ECD: variants seen among roughly 807,000 people sequenced by gnomAD.
ECD encodes the protein ecdysoneless cell cycle regulator.
A neutral mutation model predicts 77.2 loss-of-function variants in ECD; 59 were observed. The observed-to-expected ratio is 0.76, with a 90% confidence interval of 0.62 to 0.95. The LOEUF (loss-of-function observed/expected upper bound fraction) is 0.95, where lower values mean the gene tolerates loss of function less well. Among genes scored for constraint, ECD ranks in the 40% least tolerant of loss-of-function variants. The pLI is 0.00. For synonymous variants in ECD, 233 were observed against 267.4 expected, an observed-to-expected ratio of 0.87 and a Z score of 1.26; for missense variants, 704 against 763.4, an observed-to-expected ratio of 0.92 and a Z score of 0.92.
Position 73,156,325 on chromosome 10 carries a change from T to G in ECD, c.540A>C (p.Lys180Asn). 6.2e-7 allele frequency: 1 copy of G among 1,612,274 alleles called. No homozygotes were observed. Among genetic ancestry groups the G allele is most frequent in the South Asian group, 1.1e-5 (1 of 90,436 alleles). Reference sequence around the variant, plus strand: ...CTCGTATAGATTCTGAAGCAAGTATTTTTTCTGAATGTGCTGTGATTATAT... The same window carrying G: ...CTCGTATAGATTCTGAAGCAAGTATGTTTTCTGAATGTGCTGTGATTATAT... ...ALNIITAHSEKILASESIRAA... is the reference protein window; with the variant it reads ...ALNIITAHSENILASESIRAA... The change falls in exon 5 of 14, where the codon AAA becomes AAC. Residue 180 changes from lysine (K) to asparagine (N), a missense_variant. Physicochemically the swap from Lys to Asn is moderately conservative, Grantham distance 94 (BLOSUM62 0). This residue lies in a region of ECD where 559 missense variants were observed against 583.7 expected (regional missense o/e 0.96). Coordinates refer to ENST00000372979, the MANE Select transcript of ECD (RefSeq NM_007265.3).
At chr10:73,151,463 G>A (rs186313361) in intron 7 of ECD, among the ~76,000 whole-genome samples, 56 of 151,686 alleles carry the variant, frequency 3.7e-4, no homozygotes, top group African/African-American at 1.0e-3. Flanking sequence ...CCAACATGGC[G>A]CGTGTATACG....
At chr10:73,160,901 G>A (rs1385757893) in intron 2 of ECD, among the ~76,000 whole-genome samples, 1 of 152,208 alleles carries the variant, frequency 6.6e-6, no homozygotes, top group African/African-American at 2.4e-5. Context: ...ATGATGTATA[G>A]AGTATGTATG....
intron 9 of ECD, 97 bp from the exon 10 acceptor site, chr10:73,139,834 T>G: frequency 1.3e-6 from 1 of 779,346 alleles, no homozygotes; most frequent in Non-Finnish European, 1.9e-6. Flanking sequence ...GATTAGCTAG[T>G]CTAATTTGGG....
intron 6 of ECD, among the ~76,000 whole-genome samples, chr10:73,153,234 C>T (rs748760774): frequency 6.6e-6 from 1 of 151,858 alleles, no homozygotes; most frequent in Non-Finnish European, 1.5e-5. Context: ...GCGGGGATTA[C>T]AGGCGCCCAC....
intron 9 of ECD, among the ~76,000 whole-genome samples, chr10:73,142,632 CA>C (rs35853120): frequency 0.067 from 4,943 of 73,888 alleles, 81 homozygotes; most frequent in African/African-American, 0.1. Context: ...GACTCCATCT[CA>C]AAAAAAAAAA....
At chr10:73,166,599 A>G (rs542697941) in intron 1 of ECD, among the ~76,000 whole-genome samples, 12 of 152,280 alleles carry the variant, frequency 7.9e-5, no homozygotes, top group African/African-American at 2.6e-4. Flanking sequence ...CCTGTTTGCC[A>G]TTTTTATGTC....
chr10:73,154,370 C>T lies in ECD; in HGVS notation c.669G>A (p.Gln223=). 1 of 1,614,102 alleles carries T rather than the reference C, an allele frequency of 6.2e-7. No individual in the cohort carries two copies. Among genetic ancestry groups the T allele is most frequent in the African/African-American group, 1.3e-5 (1 of 75,028 alleles). Residue 223 remains glutamine (Q), a synonymous_variant, in exon 6 of 14, where the codon CAG becomes CAA. Transcript: ENST00000372979. ...CTGCTGCAGCCACCAATCTGGGGCGCTGCTTTAGCACTGCCACAATGCCAG... is the reference window on the plus strand; with the variant it reads ...CTGCTGCAGCCACCAATCTGGGGCGTTGCTTTAGCACTGCCACAATGCCAG... ...LPAGIVAVLK[Q]RPRLVAAAVQ...
At chr10:73,152,203 G>T in intron 7 of ECD, 90 bp downstream of exon 7, 1 of 1,449,668 alleles carries the variant, frequency 6.9e-7, no homozygotes, top group Non-Finnish European at 9.4e-7. Context: ...TAAACAGGGT[G>T]TATTTCTGGA....
chr10:73,148,331 G>T lies in ECD; in HGVS notation c.986C>A (p.Ala329Asp), dbSNP rs139937454. 9 of 1,613,792 alleles carry T rather than the reference G, an allele frequency of 5.6e-6. No individual in the cohort carries two copies. The highest frequency in any genetic ancestry group is 7.6e-6 in the Non-Finnish European group (9 of 1,179,888). Residue 329 changes from alanine to aspartate, a missense_variant, in exon 8 of 14, where the codon GCC (alanine) becomes GAC (aspartate). By Grantham distance (126) the Ala-to-Asp change is moderately radical. This residue lies in a region of ECD where 559 missense variants were observed against 583.7 expected (regional missense o/e 0.96). Transcript: ENST00000372979. Reference sequence around the variant, plus strand: ...AAGGAAACTGGCCCAGAGTGGTGAGGCAGTCACAAGGGATTTCTTGCAGTC... The same window carrying T: ...AAGGAAACTGGCCCAGAGTGGTGAGTCAGTCACAAGGGATTTCTTGCAGTC... ...FSDCKKSLVT[A>D]SPLWASFLES...
chr10:73,164,177 A>C (rs1684568488), intron 1 of ECD, among the ~76,000 whole-genome samples: 2 of 151,770 alleles, frequency 1.3e-5, no homozygotes, highest in South Asian at 4.2e-4. Context: ...CTCTACTAAA[A>C]ATACAAAATA....
intron 1 of ECD, among the ~76,000 whole-genome samples, chr10:73,166,494 A>G (rs1458595779): frequency 6.6e-6 from 1 of 152,192 alleles, no homozygotes; most frequent in Non-Finnish European, 1.5e-5. Flanking sequence ...TGTCTTATGG[A>G]TAACAGCCAT....
intron 7 of ECD, among the ~76,000 whole-genome samples, chr10:73,150,911 C>G (rs1326972979): frequency 6.6e-6 from 1 of 152,156 alleles, no homozygotes; most frequent in East Asian, 1.9e-4. Flanking sequence ...AATAGGAACA[C>G]TTTTACACTG....
chr10:73,157,791 A>G (rs1203543855), intron 3 of ECD, among the ~76,000 whole-genome samples: 1 of 151,824 alleles, frequency 6.6e-6, no homozygotes, highest in African/African-American at 2.4e-5. Flanking sequence ...TCAACCCTAC[A>G]TGCATCACTG....
intron 8 of ECD, among the ~76,000 whole-genome samples, chr10:73,146,843 G>T (rs1459549383): frequency 2.0e-5 from 3 of 152,192 alleles, no homozygotes; most frequent in Non-Finnish European, 2.9e-5. Flanking sequence ...CAGAAAGTTT[G>T]CCAAGTAGAA....
intron 1 of ECD, among the ~76,000 whole-genome samples, chr10:73,166,082 G>T (rs540287999): frequency 3.9e-5 from 6 of 152,070 alleles, no homozygotes; most frequent in African/African-American, 1.2e-4. Context: ...TTATCTTTCT[G>T]TGCCATCCTT....
chr10:73,141,095 A>G (rs1187303160), intron 9 of ECD, among the ~76,000 whole-genome samples: 6 of 152,076 alleles, frequency 3.9e-5, no homozygotes, highest in Admixed American at 3.9e-4. Flanking sequence ...TTTACAGATG[A>G]GAAAACCAGA....
At chr10:73,137,421 C>A (rs1194042455) in intron 12 of ECD, among the ~76,000 whole-genome samples, 1 of 151,912 alleles carries the variant, frequency 6.6e-6, no homozygotes, top group African/African-American at 2.4e-5. Context: ...CAAAAAAGAA[C>A]AATATAATAT....
chr10:73,158,593 A>T (rs1257271420), intron 3 of ECD, among the ~76,000 whole-genome samples: 2 of 151,984 alleles, frequency 1.3e-5, no homozygotes, highest in African/African-American at 4.8e-5. Context: ...AAAATTAGCC[A>T]GGTGTGGTGG....
At chr10:73,149,377 T>C (rs1315504389) in intron 7 of ECD, among the ~76,000 whole-genome samples, 1 of 152,204 alleles carries the variant, frequency 6.6e-6, no homozygotes, top group Non-Finnish European at 1.5e-5. Flanking sequence ...GCAATATGCA[T>C]TCAGTAGAAA....
Sources: gnomAD v4.1 joint callset for allele counts (sites outside exome capture counted in the v4.1 genomes callset) on GRCh38, gnomAD v4.1.1 for gene constraint, gnomAD v4.1.1 regional missense constraint, MANE v1.5 for transcripts, NCBI Gene and HGNC (gene_info 2026-07-23, HGNC 2026-07-21) for gene names.